CPVL: variants seen among roughly 807,000 people sequenced by gnomAD.
CPVL encodes carboxypeptidase vitellogenic like.
In CPVL, 51 loss-of-function variants were observed where a neutral mutation model predicts 63.7. The observed-to-expected ratio is 0.80, with a 90% CI of 0.64 to 1.01. CPVL has a LOEUF of 1.01. Ranked by LOEUF, CPVL falls within the 50% of genes least tolerant of loss-of-function variation. The pLI is 0.00. For missense variants in CPVL, 530 were observed against 573.1 expected, an observed-to-expected ratio of 0.92 and a Z score of 0.77; for synonymous variants, 195 against 206.0, an observed-to-expected ratio of 0.95 and a Z score of 0.46.
chr7:29,006,643 A>G (rs1393003649), intron 12 of CPVL, among the ~76,000 whole-genome samples: 1 of 152,228 alleles, frequency 6.6e-6, no homozygotes, highest in Admixed American at 6.5e-5. Flanking sequence ...TCTGGATTCA[A>G]CTATGTTCTC....
intron 7 of CPVL, among the ~76,000 whole-genome samples, chr7:29,085,982 G>C (rs1169056264): frequency 6.6e-6 from 1 of 152,028 alleles, no homozygotes; most frequent in African/African-American, 2.4e-5. Context: ...GCATGCATTG[G>C]GCCCTGGGAT....
At chr7:29,119,056 C>T (rs1243923967) in intron 2 of CPVL, among the ~76,000 whole-genome samples, 1 of 152,218 alleles carries the variant, frequency 6.6e-6, no homozygotes, top group African/African-American at 2.4e-5. Flanking sequence ...CAGCCACTAC[C>T]CCATTTTTCT....
At chr7:29,029,485 A>C (rs1456999169) in intron 12 of CPVL, among the ~76,000 whole-genome samples, 1 of 152,220 alleles carries the variant, frequency 6.6e-6, no homozygotes, top group Non-Finnish European at 1.5e-5. Flanking sequence ...AAAAGAATGA[A>C]ATCCTATCAC....
intron 6 of CPVL, among the ~76,000 whole-genome samples, chr7:29,089,313 A>G (rs1270200151): frequency 4.6e-5 from 7 of 152,226 alleles, no homozygotes; most frequent in African/African-American, 7.2e-5. Flanking sequence ...ACCCAAAGAC[A>G]GCACTGGAAT....
rs555443117 is a variant in CPVL at position 29,004,896 on chromosome 7, C to CTT, written c.1321-9016_1321-9015dup. 7.8e-3 allele frequency among the ~76,000 whole-genome samples: 1,130 copies of CTT among 144,818 alleles called. 23 individuals carry two copies. Among genetic ancestry groups the CTT allele is most frequent in the African/African-American group, 0.026 (1,000 of 39,154 alleles). On this transcript the variant is annotated intron_variant, in intron 12 of 12. Coordinates refer to ENST00000265394, the MANE Select transcript of CPVL (RefSeq NM_031311.5). Reference sequence around the variant, plus strand: ...TACAAATATGTCTTTTTTTTCTTTTCTTTTCTTTTTTTTTTTTTGAGACAG... The same window carrying CTT: ...TACAAATATGTCTTTTTTTTCTTTTCTTTTTTCTTTTTTTTTTTTTGAGACAG...
intron 11 of CPVL, among the ~76,000 whole-genome samples, chr7:29,059,657 A>G (rs161050): frequency 0.83 from 126,349 of 152,110 alleles, 53,316 homozygotes; most frequent in African/African-American, 0.96. Flanking sequence ...TGATAAAAAC[A>G]CTCAACAGTC....
intron 7 of CPVL, among the ~76,000 whole-genome samples, chr7:29,084,473 C>T (rs1785023122): frequency 1.3e-5 from 2 of 152,220 alleles, no homozygotes; most frequent in South Asian, 4.1e-4. Flanking sequence ...CCTTTCATGA[C>T]ACTTGTCCCT....
intron 5 of CPVL, among the ~76,000 whole-genome samples, chr7:29,163,304 G>A (rs181675029): frequency 1.6e-4 from 24 of 151,910 alleles, no homozygotes; most frequent in African/African-American, 3.6e-4. Context: ...AAAATACTTC[G>A]CTTATAGTTT....
At chr7:29,014,357 G>T (rs1388663518) in intron 12 of CPVL, among the ~76,000 whole-genome samples, 1 of 152,102 alleles carries the variant, frequency 6.6e-6, no homozygotes, top group African/African-American at 2.4e-5. Flanking sequence ...GTTTGAGACA[G>T]GGTCTTACTC....
intron 12 of CPVL, among the ~76,000 whole-genome samples, chr7:29,021,161 A>G (rs1786931133): frequency 6.6e-6 from 1 of 152,078 alleles, no homozygotes; most frequent in Admixed American, 6.6e-5. Flanking sequence ...TTCTGTCTCA[A>G]GAAAAAAAAA....
rs781394806 is a variant in CPVL at position 29,037,391 on chromosome 7, CA to C, written c.1138-6633del. On this transcript the variant is annotated intron_variant, in intron 11 of 12. Coordinates refer to ENST00000265394, the MANE Select transcript of CPVL (RefSeq NM_031311.5). ...AACCCCGTCTCTACTAAAATAAATACAAAAAAAAAAAATTAGCCGGGCATGG... is the reference window on the plus strand; with the variant it reads ...AACCCCGTCTCTACTAAAATAAATACAAAAAAAAAAATTAGCCGGGCATGG... Among the ~76,000 whole-genome samples, 1,293 of 141,092 alleles carry C rather than the reference CA, an allele frequency of 9.2e-3. 5 individuals carry two copies. The highest frequency in any genetic ancestry group is 0.012 in the Non-Finnish European group (754 of 64,430). The allele number at this position is 141,092 out of a possible 152,430, so 92.6% of individuals were successfully genotyped here.
intron 3 of CPVL, among the ~76,000 whole-genome samples, chr7:29,112,321 T>C (rs1788320336): frequency 6.6e-6 from 1 of 152,146 alleles, no homozygotes; most frequent in African/African-American, 2.4e-5. Flanking sequence ...GCATTACCTG[T>C]TCACTTCAGG....
Position 29,146,500 on chromosome 7 carries a change from C to T in CPVL, c.-82G>A. 1 of 1,462,368 alleles carries T rather than the reference C, an allele frequency of 6.8e-7. No individual in the cohort carries two copies. The highest frequency in any genetic ancestry group is 9.0e-7 in the Non-Finnish European group (1 of 1,108,386). The allele number at this position is 1,462,368 out of a possible 1,614,324, so 90.6% of individuals were successfully genotyped here. A position where few individuals can be genotyped will look rare whatever the true frequency, so the allele number is the denominator to read the frequency against. On this transcript the variant is annotated 5_prime_UTR_variant, in exon 1 of 13. Transcript: ENST00000265394. ...CAGCCGGTTGTCCTTGCAGCGCTTC[C>T]CAAATCAGGCAGAAGTGAGGCAGCC...
chr7:29,130,744 A>T (rs1790601897), intron 1 of CPVL, among the ~76,000 whole-genome samples: 1 of 152,228 alleles, frequency 6.6e-6, no homozygotes, highest in Non-Finnish European at 1.5e-5. Flanking sequence ...ACAGAATATA[A>T]CGAAATCTGC....
chr7:29,055,909 CTACTT>C (rs1790686992), intron 11 of CPVL, among the ~76,000 whole-genome samples: 1 of 152,156 alleles, frequency 6.6e-6, no homozygotes. Context: ...TTCACAGAGT[CTACTT>C]TACCAGTCTG....
At chr7:29,122,277 C>A (rs979429572) in intron 1 of CPVL, 2 of 152,166 alleles carry the variant, frequency 1.3e-5, no homozygotes, top group Non-Finnish European at 2.9e-5. Context: ...GCAGCACGGG[C>A]CAGTGGGAAT....
intron 5 of CPVL, among the ~76,000 whole-genome samples, chr7:29,169,993 C>G (rs1335429043): frequency 2.0e-5 from 3 of 151,986 alleles, no homozygotes; most frequent in Admixed American, 2.0e-4. Flanking sequence ...CCTCCTGCCT[C>G]TGCCTCCTAA....
chr7:29,180,698 TAAG>T (rs1797963556), intron 5 of CPVL, among the ~76,000 whole-genome samples: 2 of 152,204 alleles, frequency 1.3e-5, no homozygotes, highest in Admixed American at 6.5e-5. Flanking sequence ...TACAAACTAA[TAAG>T]AAGAACACTA....
At chr7:29,130,027 T>G (rs563406870) in intron 1 of CPVL, among the ~76,000 whole-genome samples, 5 of 152,320 alleles carry the variant, frequency 3.3e-5, no homozygotes, top group Admixed American at 6.5e-5. Flanking sequence ...AGCATGGTCC[T>G]GCTGACACAT....
Sources: allele counts gnomAD v4.1 joint callset (sites outside exome capture counted in the v4.1 genomes callset), GRCh38; gene constraint gnomAD v4.1.1; transcripts MANE v1.5; gene names NCBI Gene and HGNC (gene_info 2026-07-23, HGNC 2026-07-21).